The following HACE1 variants were observed in gnomAD, a reference collection of about 807,000 sequenced individuals.
HACE1 encodes the protein E3 ubiquitin-protein ligase HACE1.
HACE1 carries 73 observed loss-of-function variants against 118.4 expected under a neutral mutation model. The observed-to-expected ratio is 0.62, with a 90% CI of 0.51 to 0.75. The LOEUF (loss-of-function observed/expected upper bound fraction) is 0.75, where lower values mean the gene tolerates loss of function less well. HACE1 is among the 30% of genes least tolerant of loss of function. The probability of loss-of-function intolerance (pLI) is 0.00; values close to 1 mark genes in which losing one functional copy is unlikely to be tolerated. For synonymous variants in HACE1, 368 were observed against 374.8 expected (o/e 0.98, Z 0.21); for missense variants, 749 against 1,102.2 (o/e 0.68, Z 4.54).
intron 20 of HACE1, among the ~76,000 whole-genome samples, chr6:104,748,695 A>G (rs1777713617): frequency 1.3e-5 from 2 of 152,230 alleles, no homozygotes; most frequent in Admixed American, 6.5e-5. Context: ...AGTAGAAAAG[A>G]CTAAAGGAAA....
intron 6 of HACE1, among the ~76,000 whole-genome samples, chr6:104,832,181 G>A (rs557597896): frequency 2.7e-4 from 41 of 152,114 alleles, no homozygotes; most frequent in Middle Eastern, 3.4e-3. Flanking sequence ...AGGCTTAACA[G>A]CAAAAGATAA....
chr6:104,811,749 T>C (rs1484314647), intron 6 of HACE1, among the ~76,000 whole-genome samples: 1 of 152,178 alleles, frequency 6.6e-6, no homozygotes, highest in African/African-American at 2.4e-5. Context: ...TATTTAATTA[T>C]AGCTCATTTG....
intron 4 of HACE1, among the ~76,000 whole-genome samples, chr6:104,843,626 T>C (rs910649596): frequency 8.5e-5 from 13 of 152,128 alleles, no homozygotes; most frequent in Non-Finnish European, 1.5e-4. Flanking sequence ...TATAACAAAA[T>C]ACAAGTCTAA....
At position 104,859,647 on chromosome 6, in the gene HACE1, G is replaced by C. The variant is rs1195724532; in HGVS notation, c.-5C>G. On this transcript the variant is annotated 5_prime_UTR_variant, in exon 1 of 24. Coordinates refer to ENST00000262903, the MANE Select transcript of HACE1 (RefSeq NM_020771.4). ...TTGCTCCATCGCTCTCTCCATCCTC[G>C]GCGCGCCCTCCGCGATCCTCCGCGA... is the stretch of plus-strand genomic sequence containing the variant. 3 of 1,531,436 alleles carry C rather than the reference G, an allele frequency of 2.0e-6. No homozygotes were observed. Among genetic ancestry groups the C allele is most frequent in the Non-Finnish European group, 2.6e-6 (3 of 1,142,642 alleles). The allele number at this position is 1,531,436 out of a possible 1,614,324, so 94.9% of individuals were successfully genotyped here.
chr6:104,754,413 T>TA (rs973037268), intron 19 of HACE1, among the ~76,000 whole-genome samples: 2 of 152,004 alleles, frequency 1.3e-5, no homozygotes, highest in Non-Finnish European at 2.9e-5. Context: ...ACCCCAGTAA[T>TA]ACACTCCACA....
At chr6:104,731,427 A>AG (rs1320701507) in intron 22 of HACE1, 19 of 152,280 alleles carry the variant, frequency 1.2e-4, no homozygotes, top group African/African-American at 4.1e-4. Context: ...TAGAAAAAAA[A>AG]GAACAAAGGT....
chr6:104,762,613 G>A (rs1779497356), intron 19 of HACE1, among the ~76,000 whole-genome samples: 1 of 152,024 alleles, frequency 6.6e-6, no homozygotes, highest in Admixed American at 6.6e-5. Context: ...ACGGTTTCAT[G>A]GGTGCCACAA....
intron 17 of HACE1, among the ~76,000 whole-genome samples, chr6:104,774,830 C>G (rs1423531603): frequency 6.6e-6 from 1 of 152,204 alleles, no homozygotes; most frequent in East Asian, 1.9e-4. Flanking sequence ...TATTTCACTA[C>G]AGTAAGCATC....
At position 104,857,784 on chromosome 6, in the gene HACE1, C is replaced by G. The variant is rs538120611; in HGVS notation, c.76+1783G>C. On this transcript the variant is annotated intron_variant, in intron 1 of 23. Transcript: ENST00000262903. ...CATCCTAGCTAACACGGTGAAACCC[C>G]GTCTCTACTAAAAATACAAAAAATT... Among the ~76,000 whole-genome samples, 26 of 151,974 alleles carry G rather than the reference C, an allele frequency of 1.7e-4. No homozygotes were observed. In the South Asian group the frequency reaches 5.2e-3, roughly 30 times the overall value.
At chr6:104,785,626 A>C (rs543522991) in intron 11 of HACE1, 1 of 325,032 alleles carries the variant, frequency 3.1e-6, no homozygotes, top group African/African-American at 2.2e-5. Flanking sequence ...TCAAATGTTT[A>C]GTTTTAAAAG....
chr6:104,774,281 G>A (rs1335599546), intron 17 of HACE1, among the ~76,000 whole-genome samples: 1 of 130,210 alleles, frequency 7.7e-6, no homozygotes, highest in Non-Finnish European at 1.6e-5. Context: ...TAGTAGAGAC[G>A]GGGTTTCACC....
Position 104,852,235 on chromosome 6 carries a change from G to A in HACE1, c.131+82C>T, listed in dbSNP as rs537727793. On this transcript the variant is annotated intron_variant, in intron 2 of 23. Coordinates refer to ENST00000262903, the MANE Select transcript of HACE1 (RefSeq NM_020771.4). Reference sequence around the variant, plus strand: ...TGTGTGTGTGTGTGTGTGTGCGCGCGTGCGCGTGCACGGGCATGCAGTACA... The same window carrying A: ...TGTGTGTGTGTGTGTGTGTGCGCGCATGCGCGTGCACGGGCATGCAGTACA... 2.6e-3 allele frequency: 2,039 copies of A among 795,296 alleles called. 11 individuals are homozygous for A. The highest frequency in any genetic ancestry group is 2.9e-3 in the Non-Finnish European group (1,263 of 442,550). 49.3% of individuals were successfully genotyped at this position (795,296 alleles called of 1,614,324 possible). A position where few individuals can be genotyped will look rare whatever the true frequency, so the allele number is the denominator to read the frequency against.
At chr6:104,794,728 A>C (rs564238283) in intron 10 of HACE1, among the ~76,000 whole-genome samples, 1 of 152,204 alleles carries the variant, frequency 6.6e-6, no homozygotes, top group African/African-American at 2.4e-5. Context: ...ACATGGCAAA[A>C]CCCCATCTCT....
chr6:104,768,574 C>T (rs1481932852), intron 19 of HACE1, among the ~76,000 whole-genome samples: 3 of 151,714 alleles, frequency 2.0e-5, no homozygotes, highest in Non-Finnish European at 2.9e-5. Context: ...CAATTTGATA[C>T]ACAATTACTA....
intron 7 of HACE1, among the ~76,000 whole-genome samples, chr6:104,797,489 T>TA (rs111732820): frequency 0.04 from 5,243 of 130,952 alleles, 259 homozygotes; most frequent in African/African-American, 0.14. Context: ...TAATACTTTG[T>TA]AAAAAAAAAA....
intron 5 of HACE1, among the ~76,000 whole-genome samples, chr6:104,837,122 G>GT (rs1774623942): frequency 6.6e-6 from 1 of 152,146 alleles, no homozygotes; most frequent in African/African-American, 2.4e-5. Context: ...TCCCAGCAAG[G>GT]TTTTTTTGTA....
intron 22 of HACE1, among the ~76,000 whole-genome samples, chr6:104,737,634 G>A (rs566428386): frequency 1.3e-5 from 2 of 152,286 alleles, no homozygotes; most frequent in East Asian, 3.9e-4. Flanking sequence ...CTTAAAAAAC[G>A]GCGCACCACG....
At chr6:104,769,964 C>A (rs1007880898) in intron 19 of HACE1, among the ~76,000 whole-genome samples, 1 of 152,020 alleles carries the variant, frequency 6.6e-6, no homozygotes, top group Non-Finnish European at 1.5e-5. Context: ...GAAAACTACC[C>A]AATACAACTA....
intron 20 of HACE1, among the ~76,000 whole-genome samples, chr6:104,747,106 A>C (rs569018453): frequency 6.6e-6 from 1 of 152,352 alleles, no homozygotes; most frequent in African/African-American, 2.4e-5. Context: ...ACATATTAAG[A>C]AAAATATTTT....
Sources: gnomAD v4.1 joint callset for allele counts (sites outside exome capture counted in the v4.1 genomes callset) on GRCh38, gnomAD v4.1.1 for gene constraint, MANE v1.5 for transcripts, NCBI Gene and HGNC (gene_info 2026-07-23, HGNC 2026-07-21) for gene names.